HORMAD2: variants seen among roughly 807,000 people sequenced by gnomAD.
The protein encoded by HORMAD2 is HORMA domain containing 2.
In HORMAD2, 45 loss-of-function variants were observed where a neutral mutation model predicts 38.8. The observed-to-expected ratio is 1.16, with a 90% CI of 0.91 to 1.49. The LOEUF is 1.49. HORMAD2 is among the 40% of genes most tolerant of loss of function. The pLI is 0.00. For synonymous variants in HORMAD2, 126 were observed against 122.8 expected, an observed-to-expected ratio of 1.03 and a Z score of -0.17; for missense variants, 338 against 367.0, an observed-to-expected ratio of 0.92 and a Z score of 0.65.
downstream of HORMAD2, among the ~76,000 whole-genome samples, chr22:30,181,361 G>T (rs1453019530): frequency 1.3e-5 from 2 of 151,898 alleles, no homozygotes; most frequent in Non-Finnish European, 2.9e-5. Context: ...TACATCAACA[G>T]CCTGTGCAAG....
intron 10 of HORMAD2, among the ~76,000 whole-genome samples, chr22:30,152,332 G>C (rs1191175737): frequency 1.3e-5 from 2 of 151,964 alleles, no homozygotes; most frequent in Non-Finnish European, 2.9e-5. Flanking sequence ...CAAGTAGCTG[G>C]AACCCAGGTT....
At chr22:30,193,347 A>G in the HORMAD2 span, among the ~76,000 whole-genome samples, 2 of 152,208 alleles carry the variant, frequency 1.3e-5, no homozygotes, top group Non-Finnish European at 2.9e-5. Flanking sequence ...TGGGCAGTGA[A>G]TACACACTGG....
intron 3 of HORMAD2, among the ~76,000 whole-genome samples, chr22:30,102,886 T>C (rs1346243882): frequency 3.3e-5 from 5 of 152,140 alleles, no homozygotes; most frequent in Admixed American, 6.6e-5. Context: ...TGCCTCAGCC[T>C]CCCAAAGTGC....
rs1329973559 is a variant in HORMAD2 at position 30,093,943 on chromosome 22, C to T, written c.-10C>T. On this transcript the variant is annotated 5_prime_UTR_variant, in exon 2 of 11. Coordinates refer to ENST00000336726, the MANE Select transcript of HORMAD2 (RefSeq NM_152510.4). The stretch of plus-strand genomic sequence containing the variant: ...TGGACTTGTTGAAATAATCCTGATA[C>T]ATTCCTACAATGGCCACTGCTCAGC... 3 of 1,590,446 alleles carry T rather than the reference C, an allele frequency of 1.9e-6. No individual in the cohort carries two copies. Among genetic ancestry groups the T allele is most frequent in the African/African-American group, 2.7e-5 (2 of 74,338 alleles).
chr22:30,081,403 T>C (rs1400167763), intron 1 of HORMAD2: 1 of 152,144 alleles, frequency 6.6e-6, no homozygotes, highest in African/African-American at 2.4e-5. Context: ...AATACTCAAT[T>C]AATATAGTGG....
chr22:30,169,564 A>T (rs182143966), intron 10 of HORMAD2, among the ~76,000 whole-genome samples: 22 of 152,316 alleles, frequency 1.4e-4, no homozygotes, highest in African/African-American at 5.3e-4. Context: ...TAAAGAAATT[A>T]ATTGAATGGG....
intron 10 of HORMAD2, among the ~76,000 whole-genome samples, chr22:30,173,834 T>C (rs1308745144): frequency 1.3e-5 from 2 of 152,162 alleles, no homozygotes; most frequent in Admixed American, 6.6e-5. Context: ...GTAACAAGCA[T>C]TTTTAAAGGG....
the HORMAD2 span, among the ~76,000 whole-genome samples, chr22:30,200,192 T>C: frequency 3.0e-4 from 46 of 152,070 alleles, no homozygotes; most frequent in African/African-American, 1.1e-3. Context: ...GTTGGGATTA[T>C]AGGCGTCAGC....
intron 3 of HORMAD2, among the ~76,000 whole-genome samples, chr22:30,100,851 G>A (rs6006353): frequency 5.9e-4 from 89 of 152,136 alleles, no homozygotes; most frequent in African/African-American, 2.1e-3. Context: ...ATCACTGGTC[G>A]TTAGAGAGAT....
chr22:30,198,281 T>C, the HORMAD2 span, among the ~76,000 whole-genome samples: 2 of 152,232 alleles, frequency 1.3e-5, no homozygotes, highest in African/African-American at 4.8e-5. Context: ...CACTTGTATA[T>C]GTGTATACGC....
upstream of HORMAD2, among the ~76,000 whole-genome samples, chr22:30,078,607 C>CAAAAAA (rs55966787): frequency 0.014 from 380 of 28,088 alleles, 93 homozygotes; most frequent in African/African-American, 0.046. Flanking sequence ...CTCTGTCTCA[C>CAAAAAA]AAAAAAAAAA....
chr22:30,151,087 C>T (rs1386217545), intron 10 of HORMAD2, among the ~76,000 whole-genome samples: 1 of 152,158 alleles, frequency 6.6e-6, no homozygotes, highest in African/African-American at 2.4e-5. Flanking sequence ...TTTAGAATGA[C>T]GTGCATTTGA....
chr22:30,157,667 A>C (rs188344617), intron 10 of HORMAD2, among the ~76,000 whole-genome samples: 1 of 152,256 alleles, frequency 6.6e-6, no homozygotes, highest in Admixed American at 6.5e-5. Context: ...CTTCATTGTA[A>C]GTCAAGCATG....
chr22:30,080,289 C>T (rs964233473), upstream of HORMAD2: 1 of 152,392 alleles, frequency 6.6e-6, no homozygotes, highest in African/African-American at 2.4e-5. Context: ...GCCGGCTAGC[C>T]GCCGTTCGCC....
the HORMAD2 span, among the ~76,000 whole-genome samples, chr22:30,193,722 T>G: frequency 6.6e-6 from 1 of 152,238 alleles, no homozygotes; most frequent in Non-Finnish European, 1.5e-5. Context: ...TCCATTCTCC[T>G]GTCCTTCCAT....
At position 30,085,266 on chromosome 22, in the gene HORMAD2, C is replaced by T. The variant is rs540917910; in HGVS notation, c.-38+4775C>T. ...TGAAAGGTAGGTTAGTGGTTTCCAG[C>T]GGCTGGGGAAAGGAGAGAATAGGAG... On this transcript the variant is annotated intron_variant, in intron 1 of 10. Transcript: ENST00000336726. Among the ~76,000 whole-genome samples, 10 of 152,084 alleles carry T rather than the reference C, an allele frequency of 6.6e-5. No individual in the cohort carries two copies. In the East Asian group the frequency reaches 7.7e-4, roughly 12 times the overall value.
intron 10 of HORMAD2, among the ~76,000 whole-genome samples, chr22:30,142,930 G>A (rs1340847091): frequency 6.6e-6 from 1 of 151,988 alleles, no homozygotes; most frequent in East Asian, 1.9e-4. Context: ...GTGAGACATG[G>A]CAATGTTATC....
downstream of HORMAD2, among the ~76,000 whole-genome samples, chr22:30,179,139 A>G (rs1926599462): frequency 6.6e-6 from 1 of 152,142 alleles, no homozygotes; most frequent in Admixed American, 6.6e-5. Flanking sequence ...ATGGTTTCAA[A>G]CCCAACAGTA....
chr22:30,178,103 A>G (rs1270859151), downstream of HORMAD2, among the ~76,000 whole-genome samples: 1 of 151,828 alleles, frequency 6.6e-6, no homozygotes, highest in African/African-American at 2.4e-5. Context: ...CAAAAACTCT[A>G]TAAAGACTCT....
Sources: gnomAD v4.1 joint callset for allele counts (sites outside exome capture counted in the v4.1 genomes callset) on GRCh38, gnomAD v4.1.1 for gene constraint, MANE v1.5 for transcripts, NCBI Gene and HGNC (gene_info 2026-07-23, HGNC 2026-07-21) for gene names.